The following COLEC12 variants were observed in gnomAD, a reference collection of about 807,000 sequenced individuals.
The protein encoded by COLEC12 is collectin subfamily member 12.
Under a neutral mutation model 71.1 loss-of-function variants are expected in COLEC12, and 33 were observed. The ratio of observed to expected loss-of-function variants is 0.46; its 90% CI spans 0.35 to 0.62. COLEC12 has a LOEUF of 0.62. Among genes scored for constraint, COLEC12 ranks in the 20% least tolerant of loss-of-function variants. The pLI, the probability that COLEC12 is intolerant of heterozygous loss-of-function variation, is 0.00. For synonymous variants in COLEC12, 350 were observed against 353.0 expected (o/e 0.99, Z 0.10); for missense variants, 765 against 916.1 (o/e 0.84, Z 2.13).
chr18:470,693 T>G (rs1320998375), intron 2 of COLEC12, among the ~76,000 whole-genome samples: 4 of 152,178 alleles, frequency 2.6e-5, no homozygotes, highest in Non-Finnish European at 5.9e-5. Flanking sequence ...AGTTCAAGGC[T>G]GCAGTGAGCT....
chr18:449,966 G>C (rs978159058), intron 2 of COLEC12, among the ~76,000 whole-genome samples: 1 of 152,092 alleles, frequency 6.6e-6, no homozygotes, highest in Non-Finnish European at 1.5e-5. Flanking sequence ...CTTCCATTGG[G>C]ATATTTCTTA....
At chr18:435,861 G>A (rs967781906) in intron 2 of COLEC12, among the ~76,000 whole-genome samples, 2 of 152,124 alleles carry the variant, frequency 1.3e-5, no homozygotes, top group Non-Finnish European at 2.9e-5. Context: ...GAATTTCCTG[G>A]AACTTTACAC....
At chr18:460,400 G>A (rs951378756) in intron 2 of COLEC12, among the ~76,000 whole-genome samples, 2 of 152,146 alleles carry the variant, frequency 1.3e-5, no homozygotes, top group African/African-American at 2.4e-5. Context: ...TTTCTTCCCC[G>A]TGGAGTAGAA....
At chr18:444,940 C>T (rs1023685809) in intron 2 of COLEC12, among the ~76,000 whole-genome samples, 1 of 151,840 alleles carries the variant, frequency 6.6e-6, no homozygotes, top group Admixed American at 6.6e-5. Flanking sequence ...TGGTTTTTTA[C>T]GTTTCATGTT....
chr18:334,847 G>T lies in COLEC12; in HGVS notation c.1711C>A (p.Pro571Thr). 2 of 1,524,330 alleles carry T rather than the reference G, an allele frequency of 1.3e-6. No individual in the cohort carries two copies. Among genetic ancestry groups the T allele is most frequent in the Non-Finnish European group, 1.7e-6 (2 of 1,145,486 alleles). The allele number at this position is 1,524,330 out of a possible 1,614,324, so 94.4% of individuals were successfully genotyped here. A position where few individuals can be genotyped will look rare whatever the true frequency, so the allele number is the denominator to read the frequency against. The change falls in exon 6 of 10, where the codon CCA becomes ACA. Residue 571 changes from proline to threonine, a missense_variant. Pro to Thr is a conservative substitution (Grantham distance 38, BLOSUM62 -1). Transcript: ENST00000400256. ...GGGCCCTTGGGGCCTGGCATGCCTGGTACCCCAGGCAAGCCTGGCAGTCCC... is the reference window on the plus strand; with the variant it reads ...GGGCCCTTGGGGCCTGGCATGCCTGTTACCCCAGGCAAGCCTGGCAGTCCC... Reference protein sequence around the residue: ...PRGLPGLPGVPGMPGPKGPPG... With the variant: ...PRGLPGLPGVTGMPGPKGPPG...
chr18:476,198 C>T (rs555467488), intron 2 of COLEC12, among the ~76,000 whole-genome samples: 1 of 152,298 alleles, frequency 6.6e-6, no homozygotes, highest in South Asian at 2.1e-4. Flanking sequence ...CCCCTTAGAA[C>T]TCTCCCACTT....
intron 2 of COLEC12, among the ~76,000 whole-genome samples, chr18:471,689 T>G (rs546611513): frequency 7.3e-5 from 11 of 151,466 alleles, no homozygotes; most frequent in African/African-American, 2.7e-4. Flanking sequence ...TTAATAATTT[T>G]GTATAACTTA....
intron 5 of COLEC12, among the ~76,000 whole-genome samples, chr18:336,999 G>C (rs113857989): frequency 0.012 from 1,885 of 151,876 alleles, 30 homozygotes; most frequent in African/African-American, 0.035. Flanking sequence ...GCTGGGACTA[G>C]AGGCTTGTGC....
At chr18:405,462 C>T (rs777700543) in intron 2 of COLEC12, among the ~76,000 whole-genome samples, 8 of 152,248 alleles carry the variant, frequency 5.3e-5, no homozygotes, top group Middle Eastern at 3.4e-3. Flanking sequence ...ACAATCCTAC[C>T]GATATGTGAT....
rs1319409878 is a variant in COLEC12 at position 335,141 on chromosome 18, C to T, written c.1417G>A (p.Gly473Arg). The stretch of plus-strand genomic sequence containing the variant: ...GCAGGGCCAGGTGGTCCAGGCTCCC[C>T]CTTCTCTCCTTTCTGTCCCTTGTTG... ...TGNKGQKGEKGEPGPPGPAGE... is the reference protein window; with the variant it reads ...TGNKGQKGEKREPGPPGPAGE... The change falls in exon 6 of 10, where the codon GGG (glycine) becomes AGG (arginine). Residue 473 changes from glycine to arginine, a missense_variant. Coordinates refer to ENST00000400256, the MANE Select transcript of COLEC12 (RefSeq NM_130386.3). 2 of 1,612,876 alleles carry T rather than the reference C, an allele frequency of 1.2e-6. No homozygotes were observed. The highest frequency in any genetic ancestry group is 2.7e-5 in the African/African-American group (2 of 74,832).
intron 1 of COLEC12, among the ~76,000 whole-genome samples, chr18:495,256 C>T (rs1200537662): frequency 6.6e-6 from 1 of 152,174 alleles, no homozygotes; most frequent in Non-Finnish European, 1.5e-5. Context: ...TGGTTAGAAA[C>T]TCTGTTGTCA....
At position 451,121 on chromosome 18, in the gene COLEC12, C is replaced by T. The variant is rs999355472; in HGVS notation, c.58+29586G>A. On this transcript the variant is annotated intron_variant, in intron 2 of 9. Coordinates refer to ENST00000400256, the MANE Select transcript of COLEC12 (RefSeq NM_130386.3). ...GAATGAACATACACACCTCCATACA[C>T]CTCTTTCAAGTAGGCATGCCCCAGG... 7.2e-5 allele frequency among the ~76,000 whole-genome samples: 11 copies of T among 152,196 alleles called. No homozygotes were observed. In the East Asian group the frequency reaches 2.1e-3, roughly 29 times the overall value.
At position 346,161 on chromosome 18, in the gene COLEC12, C is replaced by T; in HGVS notation, c.1327+134G>A. The stretch of plus-strand genomic sequence containing the variant: ...AGTGAGTCAGGACCATCTAGCTAAG[C>T]TGCTCTTGAATTCCTGGTCCACAAA... On this transcript the variant is annotated intron_variant, in intron 5 of 9. Coordinates refer to ENST00000400256, the MANE Select transcript of COLEC12 (RefSeq NM_130386.3). This position sits in a 1 kb window ranked among gnomAD's most constrained non-coding sequence, Gnocchi z 4.0. 2 of 671,476 alleles carry T rather than the reference C, an allele frequency of 3.0e-6. No homozygotes were observed. Among genetic ancestry groups the T allele is most frequent in the South Asian group, 3.9e-5 (2 of 51,616 alleles). 41.6% of individuals were successfully genotyped at this position (671,476 alleles called of 1,614,324 possible).
intron 1 of COLEC12, among the ~76,000 whole-genome samples, chr18:492,387 A>G (rs1917634173): frequency 6.6e-6 from 1 of 152,200 alleles, no homozygotes; most frequent in African/African-American, 2.4e-5. Flanking sequence ...TTTACCCCTA[A>G]GTTGGCAGTG....
intron 2 of COLEC12, among the ~76,000 whole-genome samples, chr18:442,991 C>T (rs1253198010): frequency 2.0e-5 from 3 of 152,190 alleles, no homozygotes; most frequent in Non-Finnish European, 2.9e-5. Context: ...ATAAAAGCTG[C>T]AGGTCACTGC....
intron 2 of COLEC12, among the ~76,000 whole-genome samples, chr18:455,405 G>C (rs1037473742): frequency 2.6e-4 from 40 of 151,736 alleles, no homozygotes; most frequent in African/African-American, 9.7e-4. Context: ...AACCTCCTGA[G>C]TAGCTGGGAC....
intron 2 of COLEC12, among the ~76,000 whole-genome samples, chr18:407,109 T>C (rs971277453): frequency 6.6e-6 from 1 of 152,268 alleles, no homozygotes; most frequent in African/African-American, 2.4e-5. Context: ...TTCCTGAGGC[T>C]GAGCCACATC....
At chr18:348,327 T>G (rs1285328702) in intron 3 of COLEC12, among the ~76,000 whole-genome samples, 164 bp from the exon 4 acceptor site, 1 of 152,130 alleles carries the variant, frequency 6.6e-6, no homozygotes, top group African/African-American at 2.4e-5. Context: ...TTTGGAAAAA[T>G]AACTTACTTG....
intron 2 of COLEC12, among the ~76,000 whole-genome samples, chr18:432,488 G>A (rs1369517130): frequency 6.6e-6 from 1 of 152,138 alleles, no homozygotes; most frequent in Non-Finnish European, 1.5e-5. Flanking sequence ...GGGTAAGACT[G>A]CAATCAGTTC....
Sources: gnomAD v4.1 joint callset for allele counts (sites outside exome capture counted in the v4.1 genomes callset) on GRCh38, gnomAD v4.1.1 for gene constraint, Gnocchi (gnomAD v3.1) non-coding constraint, MANE v1.5 for transcripts, NCBI Gene and HGNC (gene_info 2026-07-23, HGNC 2026-07-21) for gene names.